GARIN2: variants seen among roughly 807,000 people sequenced by gnomAD.
The protein encoded by GARIN2 is golgi associated RAB2 interactor family member 2.
At chr14:67,199,901 C>T in the GARIN2 span, 1 of 1,480,880 alleles carries the variant, frequency 6.8e-7, no homozygotes, top group Non-Finnish European at 9.0e-7. Flanking sequence ...GCAGGAACCC[C>T]AGGGGCAGGA....
At chr14:67,194,244 G>A in the GARIN2 span, among the ~76,000 whole-genome samples, 1 of 150,272 alleles carries the variant, frequency 6.7e-6, no homozygotes, top group Non-Finnish European at 1.5e-5. Context: ...CAGGCCTGTG[G>A]TCCCAACTAC....
chr14:67,224,644 G>T, the GARIN2 span: 3 of 299,948 alleles, frequency 1.0e-5, no homozygotes, highest in African/African-American at 4.6e-5. Context: ...TTTACAGTGA[G>T]CCCAAATTAT....
the GARIN2 span, chr14:67,199,779 C>T: frequency 6.5e-7 from 1 of 1,531,218 alleles, no homozygotes; most frequent in South Asian, 1.3e-5. Context: ...ATGCCTCCTC[C>T]TGGCTCCTTC....
the GARIN2 span, chr14:67,198,299 G>A: frequency 1.2e-6 from 2 of 1,613,542 alleles, no homozygotes; most frequent in Non-Finnish European, 1.7e-6. Context: ...CTCCTCCCAT[G>A]TTAGAGAGCA....
At chr14:67,198,497 T>C in the GARIN2 span, among the ~76,000 whole-genome samples, 4 of 152,202 alleles carry the variant, frequency 2.6e-5, no homozygotes, top group Non-Finnish European at 5.9e-5. Flanking sequence ...TTAAAGGACA[T>C]TTACTTCAAA....
chr14:67,221,964 T>C, the GARIN2 span: 4 of 872,516 alleles, frequency 4.6e-6, no homozygotes, highest in South Asian at 4.3e-5. Context: ...GAGAATCCTA[T>C]ACTGAAGAAA....
the GARIN2 span, among the ~76,000 whole-genome samples, chr14:67,206,850 C>T: frequency 1.6e-3 from 241 of 152,156 alleles, no homozygotes; most frequent in Admixed American, 4.0e-3. Context: ...TATGCCTCAG[C>T]TTTCCAAGTA....
chr14:67,216,073 G>A, the GARIN2 span, among the ~76,000 whole-genome samples: 1 of 152,032 alleles, frequency 6.6e-6, no homozygotes, highest in Non-Finnish European at 1.5e-5. Flanking sequence ...GCCTCCCACC[G>A]TGTCCTCCTA....
At chr14:67,221,696 G>T in the GARIN2 span, 2 of 1,565,844 alleles carry the variant, frequency 1.3e-6, no homozygotes, top group South Asian at 2.3e-5. Context: ...AAGAATGACC[G>T]GTTATTTTAT....
chr14:67,225,962 T>TGTGTGTGCGCGCGC, the GARIN2 span, among the ~76,000 whole-genome samples: 1 of 113,490 alleles, frequency 8.8e-6, no homozygotes, highest in African/African-American at 5.1e-5. Context: ...TGTGTGTGTG[T>TGTGTGTGCGCGCGC]GCGCGCGCGC....
the GARIN2 span, among the ~76,000 whole-genome samples, chr14:67,216,892 T>C: frequency 6.6e-6 from 1 of 152,192 alleles, no homozygotes; most frequent in African/African-American, 2.4e-5. Context: ...TGTGCAGCTG[T>C]TGGATGAAAT....
chr14:67,225,962 T>TGTGCGC, the GARIN2 span, among the ~76,000 whole-genome samples: 141 of 113,510 alleles, frequency 1.2e-3, no homozygotes, highest in African/African-American at 1.8e-3. Context: ...TGTGTGTGTG[T>TGTGCGC]GCGCGCGCGC....
At chr14:67,213,376 C>A in the GARIN2 span, among the ~76,000 whole-genome samples, 6 of 134,222 alleles carry the variant, frequency 4.5e-5, no homozygotes, top group Non-Finnish European at 9.2e-5. Flanking sequence ...CATGTGTTCT[C>A]ATTGTTCAAT....
At chr14:67,198,943 T>C in the GARIN2 span, 2 of 701,482 alleles carry the variant, frequency 2.9e-6, no homozygotes, top group Non-Finnish European at 5.2e-6. Flanking sequence ...AACACTGAGC[T>C]ATTACCTCTA....
At chr14:67,206,270 G>A in the GARIN2 span, among the ~76,000 whole-genome samples, 9 of 152,210 alleles carry the variant, frequency 5.9e-5, no homozygotes, top group Admixed American at 3.9e-4. Context: ...AGACCGAGGC[G>A]GGCAGATCAC....
chr14:67,217,165 A>C, the GARIN2 span, among the ~76,000 whole-genome samples: 1 of 142,648 alleles, frequency 7.0e-6, no homozygotes. Flanking sequence ...GACTTTCTTC[A>C]TCTTTTTTTT....
At chr14:67,221,547 A>T in the GARIN2 span, among the ~76,000 whole-genome samples, 1 of 152,242 alleles carries the variant, frequency 6.6e-6, no homozygotes, top group Non-Finnish European at 1.5e-5. Flanking sequence ...ATTATTACGT[A>T]CAATAAACTT....
chr14:67,210,955 G>A, the GARIN2 span, among the ~76,000 whole-genome samples: 2 of 152,038 alleles, frequency 1.3e-5, no homozygotes, highest in South Asian at 4.2e-4. Context: ...AGCTGAGATT[G>A]CACCACTGCA....
At chr14:67,203,886 A>T in the GARIN2 span, among the ~76,000 whole-genome samples, 158 of 152,164 alleles carry the variant, frequency 1.0e-3, no homozygotes, top group African/African-American at 3.6e-3. Context: ...TAATTTTTGT[A>T]TTTTCAGTAG....
Sources: allele counts gnomAD v4.1 joint callset (sites outside exome capture counted in the v4.1 genomes callset), GRCh38; gene constraint gnomAD v4.1.1; transcripts MANE v1.5; gene names NCBI Gene and HGNC (gene_info 2026-07-23, HGNC 2026-07-21).